The following SOX5 variants were observed in gnomAD, a reference collection of about 807,000 sequenced individuals.
SOX5 encodes the protein transcription factor SOX-5.
Under a neutral mutation model 92.0 loss-of-function variants are expected in SOX5, and 9 were observed. The observed-to-expected ratio is 0.10, with a 90% CI of 0.06 to 0.17. The LOEUF (loss-of-function observed/expected upper bound fraction) is 0.17, where lower values mean the gene tolerates loss of function less well. Among genes scored for constraint, SOX5 ranks in the 10% least tolerant of loss-of-function variants. SOX5 has a pLI of 1.00. For missense variants in SOX5, 642 were observed against 944.5 expected, an observed-to-expected ratio of 0.68 and a Z score of 4.20; for synonymous variants, 344 against 336.3, an observed-to-expected ratio of 1.02 and a Z score of -0.25.
intron 3 of SOX5, among the ~76,000 whole-genome samples, chr12:24,243,103 A>T (rs1337193390): frequency 1.3e-5 from 2 of 152,154 alleles, no homozygotes; most frequent in African/African-American, 4.8e-5. Flanking sequence ...CTTTCTCCTG[A>T]ATATTTTAAA....
Position 23,979,702 on chromosome 12 carries a change from T to TTTTG in SOX5, c.-1-83679_-1-83678insCAAA, listed in dbSNP as rs1555459299. Reference sequence around the variant, plus strand: ...TCCTTCCATATATATATATATGTTTTTTTTGTTTTTTTTTTTTTTTTTTTT... The same window carrying TTTTG: ...TCCTTCCATATATATATATATGTTTTTTTGTTTTGTTTTTTTTTTTTTTTTTTTT... On this transcript the variant is annotated intron_variant, in intron 4 of 4. Coordinates refer to the SOX5 transcript ENST00000446891. Among the ~76,000 whole-genome samples the TTTTG allele has an allele frequency of 7.6e-5, 6 of 78,686 alleles. 1 individual carries two copies. Among genetic ancestry groups the TTTTG allele is most frequent in the South Asian group, 4.9e-4 (1 of 2,024 alleles). The allele number at this position is 78,686 out of a possible 152,430, so 51.6% of individuals were successfully genotyped here.
chr12:23,893,940 G>A (rs887507660), intron 2 of SOX5, among the ~76,000 whole-genome samples: 4 of 152,154 alleles, frequency 2.6e-5, no homozygotes. Flanking sequence ...TAGATAATCA[G>A]AATATGAAAT....
At chr12:23,557,870 C>T (rs974067114) in intron 11 of SOX5, among the ~76,000 whole-genome samples, 3 of 150,680 alleles carry the variant, frequency 2.0e-5, no homozygotes, top group Admixed American at 6.7e-5. Flanking sequence ...CAGCTACTAG[C>T]GAGGGTGAGG....
chr12:24,296,563 T>C (rs116168366), intron 2 of SOX5, among the ~76,000 whole-genome samples: 7 of 152,200 alleles, frequency 4.6e-5, no homozygotes, highest in Non-Finnish European at 7.3e-5. Context: ...ATATTTATAC[T>C]GTAAAACTCA....
chr12:24,170,700 C>T (rs1320241225), intron 4 of SOX5, among the ~76,000 whole-genome samples: 1 of 152,136 alleles, frequency 6.6e-6, no homozygotes, highest in Non-Finnish European at 1.5e-5. Context: ...TTATCAAGCG[C>T]ATTATGAATA....
chr12:23,677,805 T>A (rs1455644448), intron 6 of SOX5, among the ~76,000 whole-genome samples: 2 of 152,138 alleles, frequency 1.3e-5, no homozygotes, highest in Non-Finnish European at 2.9e-5. Flanking sequence ...GTATACTGAG[T>A]CAGTAATGCA....
At chr12:23,983,056 C>A (rs905575315) in intron 4 of SOX5, among the ~76,000 whole-genome samples, 15 of 151,550 alleles carry the variant, frequency 9.9e-5, no homozygotes, top group Admixed American at 6.6e-5. Flanking sequence ...TCTTGGACAG[C>A]AACACACAGA....
chr12:24,289,516 G>C lies in SOX5; in HGVS notation c.-173-12204C>G, dbSNP rs1460884950. On this transcript the variant is annotated intron_variant, in intron 2 of 4. Transcript: ENST00000446891. ...TCGCCCAGGCTGGAGTGCAGTGGCG[G>C]GATCTCGGCTCACTGCAAGCTCCGC... Among the ~76,000 whole-genome samples the C allele has an allele frequency of 2.5e-5, 3 of 118,532 alleles. 1 individual carries two copies. The highest frequency in any genetic ancestry group is 9.7e-5 in the African/African-American group (2 of 20,542). The allele number at this position is 118,532 out of a possible 152,430, so 77.8% of individuals were successfully genotyped here.
At chr12:23,648,098 A>G (rs769344964) in intron 7 of SOX5, among the ~76,000 whole-genome samples, 1 of 152,190 alleles carries the variant, frequency 6.6e-6, no homozygotes, top group Non-Finnish European at 1.5e-5. Flanking sequence ...GCATCCCAAA[A>G]CAATTATAAC....
rs137858373 is a variant in SOX5 at position 23,790,494 on chromosome 12, C to A, written c.482-34770G>T. Among the ~76,000 whole-genome samples, 317 of 150,554 alleles carry A rather than the reference C, an allele frequency of 2.1e-3. 1 individual carries two copies. The highest frequency in any genetic ancestry group is 7.2e-3 in the African/African-American group (295 of 40,998). ...ACCTCATTGTCCCTTCTTGCAGCGC[C>A]TGCCCTCCCTGGTACCTCTCACAAC... On this transcript the variant is annotated intron_variant, in intron 3 of 14. Coordinates refer to ENST00000451604, the MANE Select transcript of SOX5 (RefSeq NM_006940.6).
intron 8 of SOX5, among the ~76,000 whole-genome samples, chr12:23,637,325 A>C (rs541466279): frequency 6.6e-6 from 1 of 152,302 alleles, no homozygotes; most frequent in Non-Finnish European, 1.5e-5. Context: ...ACACGAACAG[A>C]TTAAACAAAA....
intron 11 of SOX5, among the ~76,000 whole-genome samples, chr12:23,555,411 A>T (rs1336373911): frequency 6.6e-6 from 1 of 152,084 alleles, no homozygotes; most frequent in Non-Finnish European, 1.5e-5. Context: ...GATGTAAAGA[A>T]CACAAGACTC....
At chr12:24,405,299 G>T (rs1292185431) in intron 1 of SOX5, among the ~76,000 whole-genome samples, 1 of 152,034 alleles carries the variant, frequency 6.6e-6, no homozygotes, top group Non-Finnish European at 1.5e-5. Flanking sequence ...ATCATGGGGG[G>T]GTATACTATT....
In SOX5 at chr12:24,003,269, T is replaced by C. The variant is rs541342582; in HGVS notation, c.-1-107245A>G. On this transcript the variant is annotated intron_variant, in intron 4 of 4. Transcript: ENST00000446891. ...AACAAGGTAAGGCTGTTTGCTCGCA[T>C]GATTTCCATTTAACATTGTACTGGA... Among the ~76,000 whole-genome samples, 5 of 152,242 alleles carry C rather than the reference T, an allele frequency of 3.3e-5. No individual in the cohort carries two copies. The East Asian group carries it at 9.7e-4, about 29-fold the overall frequency.
At chr12:24,552,366 A>G (rs1329538405) in intron 1 of SOX5, among the ~76,000 whole-genome samples, 1 of 152,198 alleles carries the variant, frequency 6.6e-6, no homozygotes, top group Non-Finnish European at 1.5e-5. Flanking sequence ...TGGTTCTCAA[A>G]CTTTTATGTG....
Position 24,381,715 on chromosome 12 carries a change from G to A in SOX5, c.-250-13076C>T, listed in dbSNP as rs137974802. ...AAAAGGTGGATCATGTCTCTTATGA[G>A]CCTCATACAGTGACCCACACATAGT... is the stretch of plus-strand genomic sequence containing the variant. On this transcript the variant is annotated intron_variant, in intron 1 of 4. Transcript: ENST00000446891. 3.0e-3 allele frequency among the ~76,000 whole-genome samples: 455 copies of A among 152,240 alleles called. 1 individual carries two copies. Among genetic ancestry groups the A allele is most frequent in the Non-Finnish European group, 5.4e-3 (369 of 68,006 alleles).
At position 23,877,656 on chromosome 12, in the gene SOX5, C is replaced by T. The variant is rs2096942296; in HGVS notation, c.270+18137G>A. Reference sequence around the variant, plus strand: ...GAACTACAGAACTGACTTCTCAAAACCTTCAATATTCCATATGGAGTGTGA... The same window carrying T: ...GAACTACAGAACTGACTTCTCAAAATCTTCAATATTCCATATGGAGTGTGA... On this transcript the variant is annotated intron_variant, in intron 2 of 14. Transcript: ENST00000451604. Among the ~76,000 whole-genome samples the T allele has an allele frequency of 2.6e-5, 4 of 152,206 alleles. No individual in the cohort carries two copies. In the South Asian group the frequency reaches 8.3e-4, roughly 32 times the overall value.
intron 2 of SOX5, among the ~76,000 whole-genome samples, chr12:24,342,439 T>C (rs1374336639): frequency 6.6e-6 from 1 of 152,230 alleles, no homozygotes; most frequent in African/African-American, 2.4e-5. Flanking sequence ...ATATATTCTA[T>C]CACCAAATGA....
intron 3 of SOX5, among the ~76,000 whole-genome samples, chr12:23,768,742 G>A (rs905866921): frequency 2.6e-5 from 4 of 151,988 alleles, no homozygotes; most frequent in East Asian, 1.9e-4. Flanking sequence ...AATCTGGGAA[G>A]TGAAACAGGT....
Sources: gnomAD v4.1 joint callset for allele counts (sites outside exome capture counted in the v4.1 genomes callset) on GRCh38, gnomAD v4.1.1 for gene constraint, MANE v1.5 for transcripts, NCBI Gene and HGNC (gene_info 2026-07-23, HGNC 2026-07-21) for gene names.